The following GABRG3 variants were observed in gnomAD, a reference collection of about 807,000 sequenced individuals.
GABRG3 encodes the protein gamma-aminobutyric acid type A receptor subunit gamma3, also known as gamma-aminobutyric acid receptor subunit gamma-3.
In GABRG3, 25 loss-of-function variants were observed where a neutral mutation model predicts 48.8. That is an observed-to-expected ratio of 0.51 (90% confidence interval 0.37 to 0.72). The LOEUF is 0.72. Ranked by LOEUF, GABRG3 falls within the 30% of genes least tolerant of loss-of-function variation. The pLI is 0.00. For missense variants in GABRG3, 394 were observed against 577.9 expected (o/e 0.68, Z 3.26); for synonymous variants, 227 against 217.6 (o/e 1.04, Z -0.38).
chr15:27,234,107 AAT>A (rs1889885246), intron 3 of GABRG3, among the ~76,000 whole-genome samples: 1 of 152,202 alleles, frequency 6.6e-6, no homozygotes, highest in South Asian at 2.1e-4. Context: ...AAAATTCTGT[AAT>A]TATGTTGAAA....
At chr15:27,141,951 A>G (rs1328454430) in intron 3 of GABRG3, among the ~76,000 whole-genome samples, 2 of 152,006 alleles carry the variant, frequency 1.3e-5, no homozygotes, top group African/African-American at 2.4e-5. Context: ...TGGGTTTTAA[A>G]TATTTCTAGT....
At chr15:26,996,659 A>AT (rs990094148) in intron 2 of GABRG3, among the ~76,000 whole-genome samples, 119 of 136,282 alleles carry the variant, frequency 8.7e-4, no homozygotes, top group African/African-American at 2.9e-3. Context: ...TTTTATTTTA[A>AT]TTTTTTTTGA....
chr15:27,518,970 G>A (rs1019486912), intron 6 of GABRG3, among the ~76,000 whole-genome samples: 1 of 152,154 alleles, frequency 6.6e-6, no homozygotes, highest in African/African-American at 2.4e-5. Context: ...GGATTTGAGA[G>A]CAATGGATCA....
intron 2 of GABRG3, among the ~76,000 whole-genome samples, chr15:27,008,777 C>G (rs1302251006): frequency 6.6e-6 from 1 of 152,136 alleles, no homozygotes; most frequent in Non-Finnish European, 1.5e-5. Flanking sequence ...AGCCACTGCT[C>G]ACTTTCAGGG....
intron 2 of GABRG3, among the ~76,000 whole-genome samples, chr15:27,022,512 G>A (rs1895914135): frequency 6.6e-6 from 1 of 152,186 alleles, no homozygotes; most frequent in Non-Finnish European, 1.5e-5. Flanking sequence ...CAGGAATCTT[G>A]TACTATATTA....
chr15:27,279,257 T>A (rs1484415103), intron 3 of GABRG3, among the ~76,000 whole-genome samples: 1 of 152,246 alleles, frequency 6.6e-6, no homozygotes, highest in African/African-American at 2.4e-5. Flanking sequence ...GCAAAGATTT[T>A]AAATTTTGAA....
In GABRG3 at chr15:27,539,933, G is replaced by A. The variant is rs1307474668; in HGVS notation, c.*7052G>A. ...TTCTAAATTGTCACCAAATATGAAA[G>A]GTTTTTAGATGAAGTACATCTACAT... On this transcript the variant is annotated 3_prime_UTR_variant, in exon 10 of 10. Transcript: ENST00000615808. The A allele has an allele frequency of 6.6e-5, 10 of 152,196 alleles. No individual in the cohort carries two copies. The highest frequency in any genetic ancestry group is 1.5e-5 in the Non-Finnish European group (1 of 68,042). 9.4% of individuals were successfully genotyped at this position (152,196 alleles called of 1,614,324 possible).
rs370992378 is a variant in GABRG3 at position 27,313,179 on chromosome 15, C to CAT, written c.271-13617_271-13616dup. On this transcript the variant is annotated intron_variant, in intron 3 of 9. Transcript: ENST00000615808. ...GATAAAAGAGTCAATTCAGCAGAAA[C>CAT]ATATATATATATATGTGTATATATA... Among the ~76,000 whole-genome samples the CAT allele has an allele frequency of 4.5e-4, 59 of 132,156 alleles. 1 individual carries two copies. In the South Asian group the frequency reaches 5.4e-3, roughly 12 times the overall value. 86.7% of individuals were successfully genotyped at this position (132,156 alleles called of 152,430 possible). A position where few individuals can be genotyped will look rare whatever the true frequency, so the allele number is the denominator to read the frequency against.
intron 5 of GABRG3, chr15:27,364,324 G>A (rs1369077248): frequency 6.6e-6 from 1 of 152,466 alleles, no homozygotes; most frequent in Non-Finnish European, 1.5e-5. Flanking sequence ...TGCCTCACTG[G>A]GCATTAATAG....
intron 7 of GABRG3, among the ~76,000 whole-genome samples, chr15:27,522,261 A>G (rs1043701773): frequency 6.6e-6 from 1 of 151,964 alleles, no homozygotes; most frequent in Non-Finnish European, 1.5e-5. Context: ...CAAAAATTTC[A>G]TCAGAATGAA....
chr15:27,368,836 G>T (rs568328094), intron 5 of GABRG3, among the ~76,000 whole-genome samples: 8 of 152,162 alleles, frequency 5.3e-5, no homozygotes, highest in Non-Finnish European at 1.2e-4. Flanking sequence ...AGTTTGCTGG[G>T]TGTGGGAAGG....
chr15:27,184,049 C>T (rs62002630), intron 3 of GABRG3, among the ~76,000 whole-genome samples: 1 of 152,182 alleles, frequency 6.6e-6, no homozygotes, highest in African/African-American at 2.4e-5. Flanking sequence ...GGGAGATAGC[C>T]AGGGAGCAAG....
intron 3 of GABRG3, among the ~76,000 whole-genome samples, chr15:27,261,178 T>TTGCACTAGGAATCAAG (rs771395842): frequency 6.6e-6 from 1 of 152,146 alleles, no homozygotes; most frequent in Non-Finnish European, 1.5e-5. Context: ...GCTTATTCTA[T>TTGCACTAGGAATCAAG]TGCACTAGGA....
At chr15:27,102,401 C>G (rs1282993890) in intron 3 of GABRG3, among the ~76,000 whole-genome samples, 1 of 152,084 alleles carries the variant, frequency 6.6e-6, no homozygotes, top group Non-Finnish European at 1.5e-5. Flanking sequence ...AGGCCTATTC[C>G]TTCTTATGAG....
At chr15:27,159,618 C>G (rs1898526317) in intron 3 of GABRG3, among the ~76,000 whole-genome samples, 1 of 152,070 alleles carries the variant, frequency 6.6e-6, no homozygotes, top group Non-Finnish European at 1.5e-5. Context: ...TCGTTCTCAG[C>G]TACATTGATG....
intron 3 of GABRG3, among the ~76,000 whole-genome samples, chr15:27,255,444 T>G (rs1890583086): frequency 6.6e-6 from 1 of 152,208 alleles, no homozygotes; most frequent in Non-Finnish European, 1.5e-5. Context: ...GATTCTCAGA[T>G]CTTGTTTCAC....
intron 3 of GABRG3, among the ~76,000 whole-genome samples, chr15:27,280,109 AT>A (rs946499851): frequency 2.0e-5 from 3 of 150,406 alleles, no homozygotes; most frequent in African/African-American, 7.3e-5. Flanking sequence ...TCCCCTACTG[AT>A]TTTTTTCCAT....
At chr15:27,271,296 C>A (rs1358256248) in intron 3 of GABRG3, among the ~76,000 whole-genome samples, 3 of 152,204 alleles carry the variant, frequency 2.0e-5, no homozygotes, top group Non-Finnish European at 2.9e-5. Flanking sequence ...TGCGACAGAC[C>A]TTTGAGGTGT....
intron 3 of GABRG3, among the ~76,000 whole-genome samples, chr15:27,097,951 TA>T (rs1897292908): frequency 6.8e-6 from 1 of 146,604 alleles, no homozygotes; most frequent in East Asian, 2.0e-4. Flanking sequence ...TTTTTTTTTT[TA>T]AATCAGATGT....
Sources: gnomAD v4.1 joint callset for allele counts (sites outside exome capture counted in the v4.1 genomes callset) on GRCh38, gnomAD v4.1.1 for gene constraint, MANE v1.5 for transcripts, NCBI Gene and HGNC (gene_info 2026-07-23, HGNC 2026-07-21) for gene names.